The following AK8 variants were observed in gnomAD, a reference collection of about 807,000 sequenced individuals.
AK8 encodes the protein adenylate kinase 8.
Under a neutral mutation model 54.6 loss-of-function variants are expected in AK8, and 44 were observed. That is an observed-to-expected ratio of 0.81 (90% confidence interval 0.63 to 1.04). AK8 has a LOEUF of 1.04. Among genes scored for constraint, AK8 ranks in the 50% least tolerant of loss-of-function variants. AK8 has a pLI of 0.00. For missense variants in AK8, 555 were observed against 613.6 expected (o/e 0.90, Z 1.01); for synonymous variants, 239 against 245.6 (o/e 0.97, Z 0.25).
At chr9:132,726,130 C>G (rs1281110285) in intron 12 of AK8, among the ~76,000 whole-genome samples, 2 of 152,138 alleles carry the variant, frequency 1.3e-5, no homozygotes, top group Admixed American at 6.5e-5. Context: ...GCTCCCCGCT[C>G]AAGGGAGAGG....
chr9:132,819,324 G>A (rs1473705832), intron 9 of AK8, among the ~76,000 whole-genome samples: 1 of 152,216 alleles, frequency 6.6e-6, no homozygotes, highest in East Asian at 1.9e-4. Context: ...GAGAATGTAT[G>A]TAGGTTATAT....
intron 11 of AK8, among the ~76,000 whole-genome samples, chr9:132,741,666 C>T (rs1405401087): frequency 6.6e-6 from 1 of 152,172 alleles, no homozygotes; most frequent in Non-Finnish European, 1.5e-5. Context: ...GACATCTTTA[C>T]TGAGCTATAA....
At position 132,860,939 on chromosome 9, in the gene AK8, ATGCTGTCTGGGTT is replaced by A. The variant is rs1843362177; in HGVS notation, c.333+2713_333+2725del. On this transcript the variant is annotated intron_variant, in intron 4 of 12. Transcript: ENST00000298545. The surrounding 1 kb of genome is among the most constrained non-coding windows in gnomAD (Gnocchi z 4.4). ...CTAAAACACCCATGGGGAAGGTCAA[ATGCTGTCTGGGTT>A]TGCTTTAAAATAACCCAGGGCAGGG... 6.6e-6 allele frequency among the ~76,000 whole-genome samples: 1 copy of A among 152,194 alleles called. No homozygotes were observed. Among genetic ancestry groups the A allele is most frequent in the South Asian group, 2.1e-4 (1 of 4,834 alleles).
At chr9:132,766,449 C>T (rs1295391765) in intron 11 of AK8, among the ~76,000 whole-genome samples, 1 of 152,076 alleles carries the variant, frequency 6.6e-6, no homozygotes, top group Non-Finnish European at 1.5e-5. Context: ...AGTAAAAGGT[C>T]TCTACAAGGA....
At chr9:132,727,938 G>A (rs2130928851) in intron 11 of AK8, among the ~76,000 whole-genome samples, 1 of 152,256 alleles carries the variant, frequency 6.6e-6, no homozygotes, top group East Asian at 1.9e-4. Context: ...ACCAACCCTG[G>A]TGCCTCCCCA....
chr9:132,844,523 G>A lies in AK8; in HGVS notation c.402+10334C>T, dbSNP rs117041006. On this transcript the variant is annotated intron_variant, in intron 5 of 12. Coordinates refer to ENST00000298545, the MANE Select transcript of AK8 (RefSeq NM_152572.3). ...TTTCTCCCTAAAAGCAAGAAAGCCT[G>A]TTTATTTTGGATGAGGGTTTGTTTT... is the stretch of plus-strand genomic sequence containing the variant. Among the ~76,000 whole-genome samples the A allele has an allele frequency of 7.2e-5, 11 of 152,226 alleles. No individual in the cohort carries two copies. In the East Asian group the frequency reaches 2.1e-3, roughly 29 times the overall value.
chr9:132,869,728 C>A (rs1843734032), intron 2 of AK8, among the ~76,000 whole-genome samples: 1 of 152,190 alleles, frequency 6.6e-6, no homozygotes, highest in Non-Finnish European at 1.5e-5. Context: ...GTATGGAAAC[C>A]AGGTGGCATT....
chr9:132,850,834 T>C (rs12379165), intron 5 of AK8, among the ~76,000 whole-genome samples: 7,693 of 150,458 alleles, frequency 0.051, 293 homozygotes, highest in Non-Finnish European at 0.077. Flanking sequence ...ATGCCCAGCC[T>C]GGCCCTAATA....
chr9:132,762,833 T>C (rs371904768), intron 11 of AK8, among the ~76,000 whole-genome samples: 1 of 151,998 alleles, frequency 6.6e-6, no homozygotes, highest in Non-Finnish European at 1.5e-5. Context: ...GCTGAGATTG[T>C]GCCACTGCAC....
intron 10 of AK8, among the ~76,000 whole-genome samples, chr9:132,812,544 A>ATGGGTGAG (rs1841095634): frequency 6.6e-6 from 1 of 150,746 alleles, no homozygotes; most frequent in Admixed American, 6.6e-5. Flanking sequence ...CACTGGGATG[A>ATGGGTGAG]CGGGTGAGCC....
At chr9:132,769,185 CAG>C (rs1004121163) in intron 11 of AK8, 5 of 152,286 alleles carry the variant, frequency 3.3e-5, no homozygotes, top group Non-Finnish European at 7.3e-5. Context: ...GCTGAAGAGA[CAG>C]AGCCGTCCTG....
chr9:132,798,993 A>G (rs1840315473), intron 10 of AK8, among the ~76,000 whole-genome samples: 1 of 152,150 alleles, frequency 6.6e-6, no homozygotes, highest in South Asian at 2.1e-4. Context: ...CCCGACACCC[A>G]TGAGATGCAA....
At position 132,863,478 on chromosome 9, in the gene AK8, G is replaced by A. The variant is rs78073224; in HGVS notation, c.333+187C>T. ...AACTCACCTCGGTACCCAACAGGAC[G>A]TGAGCCCAGTAAAGAATTATCTTCT... On this transcript the variant is annotated intron_variant, in intron 4 of 12. Coordinates refer to ENST00000298545, the MANE Select transcript of AK8 (RefSeq NM_152572.3). 4.1e-3 allele frequency among the ~76,000 whole-genome samples: 627 copies of A among 152,316 alleles called. 1 individual carries two copies. Among genetic ancestry groups the A allele is most frequent in the Non-Finnish European group, 7.2e-3 (490 of 68,032 alleles).
intron 2 of AK8, among the ~76,000 whole-genome samples, chr9:132,873,221 C>T (rs543047876): frequency 5.9e-5 from 9 of 152,320 alleles, no homozygotes; most frequent in East Asian, 1.9e-4. Context: ...GGAAACTAGA[C>T]GTCATATTCC....
At chr9:132,850,941 A>T (rs976861692) in intron 5 of AK8, among the ~76,000 whole-genome samples, 2 of 151,732 alleles carry the variant, frequency 1.3e-5, no homozygotes, top group Non-Finnish European at 2.9e-5. Flanking sequence ...TCTGGGAGAC[A>T]GGAAATGTGC....
chr9:132,745,914 A>C (rs1837626608), intron 11 of AK8, among the ~76,000 whole-genome samples: 2 of 152,210 alleles, frequency 1.3e-5, no homozygotes, highest in African/African-American at 4.8e-5. Flanking sequence ...AAATCAGCAG[A>C]GAAGAGCAAA....
rs1281466905 is a variant in AK8 at position 132,826,421 on chromosome 9, C to T, written c.757+433G>A. 6.6e-6 allele frequency among the ~76,000 whole-genome samples: 1 copy of T among 152,170 alleles called. No homozygotes were observed. The highest frequency in any genetic ancestry group is 1.9e-4 in the East Asian group (1 of 5,192). ...TCTCCATCCTAAATGAAGCATACCA[C>T]CTGTGCTGTGTGTGTGTGTTTTATT... On this transcript the variant is annotated intron_variant, in intron 8 of 12. Transcript: ENST00000298545. This position sits in a 1 kb window ranked among gnomAD's most constrained non-coding sequence, Gnocchi z 4.5.
intron 11 of AK8, among the ~76,000 whole-genome samples, chr9:132,773,472 G>A (rs1047296430): frequency 6.6e-6 from 1 of 152,146 alleles, no homozygotes; most frequent in African/African-American, 2.4e-5. Context: ...TGCATCTGGT[G>A]TTTATAGACT....
rs539906663 is a variant in AK8, at chr9:132,837,658, G to C, written c.403-8932C>G. ...ATCCACAGAGCATATCGGAACACGC[G>C]TTCCTGTCCACATGGAGTGCTACGG... On this transcript the variant is annotated intron_variant, in intron 5 of 12. Transcript: ENST00000298545. This position sits in a 1 kb window ranked among gnomAD's most constrained non-coding sequence, Gnocchi z 4.3. Among the ~76,000 whole-genome samples, 8 of 152,156 alleles carry C rather than the reference G, an allele frequency of 5.3e-5. No individual in the cohort carries two copies. The highest frequency in any genetic ancestry group is 1.9e-4 in the African/African-American group (8 of 41,432).
Sources: gnomAD v4.1 joint callset for allele counts (sites outside exome capture counted in the v4.1 genomes callset) on GRCh38, gnomAD v4.1.1 for gene constraint, Gnocchi (gnomAD v3.1) non-coding constraint, MANE v1.5 for transcripts, NCBI Gene and HGNC (gene_info 2026-07-23, HGNC 2026-07-21) for gene names.